Variants in GSKIP observed in about 807,000 individuals in gnomAD.
The protein encoded by GSKIP is GSK3B-interacting protein.
Under a neutral mutation model 11.9 loss-of-function variants are expected in GSKIP, and 5 were observed. That is an observed-to-expected ratio of 0.42 (90% CI 0.22 to 0.89). The LOEUF is 0.89. Among genes scored for constraint, GSKIP ranks in the 40% least tolerant of loss-of-function variants. The probability of loss-of-function intolerance (pLI) is 0.29; values close to 1 mark genes in which losing one functional copy is unlikely to be tolerated. For synonymous variants in GSKIP, 70 were observed against 62.9 expected, an observed-to-expected ratio of 1.11 and a Z score of -0.54; for missense variants, 150 against 166.6, an observed-to-expected ratio of 0.90 and a Z score of 0.55.
intron 1 of GSKIP, among the ~76,000 whole-genome samples, chr14:96,378,705 C>A (rs576252044): frequency 3.3e-5 from 5 of 152,198 alleles, no homozygotes; most frequent in Admixed American, 2.0e-4. Flanking sequence ...CATGATCACC[C>A]GAGCTCCATT....
intron 1 of GSKIP, among the ~76,000 whole-genome samples, chr14:96,373,364 TATCAA>T (rs1486278997): frequency 1.3e-5 from 2 of 151,884 alleles, no homozygotes; most frequent in African/African-American, 4.8e-5. Flanking sequence ...TATTGGATAA[TATCAA>T]ATCATTTTCC....
At chr14:96,383,216 C>T (rs1220165504) in intron 3 of GSKIP, among the ~76,000 whole-genome samples, 1 of 152,074 alleles carries the variant, frequency 6.6e-6, no homozygotes, top group African/African-American at 2.4e-5. Context: ...TCAAGACCAG[C>T]CTGGGCAGCA....
intron 2 of GSKIP, among the ~76,000 whole-genome samples, chr14:96,381,780 A>G (rs1357861979): frequency 3.3e-5 from 5 of 152,196 alleles, no homozygotes; most frequent in African/African-American, 1.2e-4. Context: ...CTCATATTCT[A>G]TTGGTAAAGT....
In GSKIP at chr14:96,376,735, A is replaced by G. The variant is rs973538570; in HGVS notation, c.-102-2953A>G. The stretch of plus-strand genomic sequence containing the variant: ...GCATTAATATTTGTGCAAATATTTC[A>G]TGTGCCTGTTTTCTTTCCCAAAGTA... On this transcript the variant is annotated intron_variant, in intron 1 of 3. Transcript: ENST00000555181. Among the ~76,000 whole-genome samples the G allele has an allele frequency of 2.6e-5, 4 of 152,310 alleles. No homozygotes were observed. In the South Asian group the frequency reaches 6.2e-4, roughly 24 times the overall value.
intron 1 of GSKIP, among the ~76,000 whole-genome samples, chr14:96,373,249 AAAAG>A (rs1365612717): frequency 1.5e-3 from 217 of 145,272 alleles, no homozygotes; most frequent in Middle Eastern, 6.9e-3. Context: ...AAAAAAAAAA[AAAAG>A]AAAGGAGGAT....
rs557839230 is a variant in GSKIP, at chr14:96,374,986, CATT to C, written c.-102-4699_-102-4697del. 5.3e-5 allele frequency among the ~76,000 whole-genome samples: 8 copies of C among 152,114 alleles called. No homozygotes were observed. In the East Asian group the frequency reaches 9.6e-4, roughly 18 times the overall value. ...TGACTCTTTAAAGCAAGAATAATAA[CATT>C]ATGATGAAGTTTATAATTTATGTAG... On this transcript the variant is annotated intron_variant, in intron 1 of 3. Coordinates refer to ENST00000555181, the MANE Select transcript of GSKIP (RefSeq NM_016472.5).
intron 1 of GSKIP, among the ~76,000 whole-genome samples, chr14:96,370,564 C>T (rs552852048): frequency 7.2e-5 from 11 of 151,958 alleles, no homozygotes; most frequent in Non-Finnish European, 1.3e-4. Context: ...TGTCTTTCTC[C>T]CAGGAATGAG....
In GSKIP at chr14:96,382,311, C is replaced by T; in HGVS notation, c.64C>T (p.Leu22=). The T allele has an allele frequency of 6.2e-7, 1 of 1,612,532 alleles. No homozygotes were observed. Among genetic ancestry groups the T allele is most frequent in the Non-Finnish European group, 8.5e-7 (1 of 1,179,180 alleles). The change falls in exon 3 of 4, where the codon CTG becomes TTG. Residue 22 remains leucine (L), a synonymous_variant. Transcript: ENST00000555181. The part of the protein sequence containing the change: ...SMSGFEEGSE[L]NGFEGTDMKD... Reference sequence around the variant, plus strand: ...GTCAGGATTTGAAGAAGGTTCAGAGCTGAACGGTTTTGAAGGAACTGACAT... The same window carrying T: ...GTCAGGATTTGAAGAAGGTTCAGAGTTGAACGGTTTTGAAGGAACTGACAT...
At chr14:96,377,659 G>T (rs569921914) in intron 1 of GSKIP, among the ~76,000 whole-genome samples, 3 of 152,320 alleles carry the variant, frequency 2.0e-5, no homozygotes, top group African/African-American at 7.2e-5. Context: ...TGTGGAAGCT[G>T]CTTCTCAAGT....
chr14:96,382,941 C>T (rs988397441), intron 3 of GSKIP, among the ~76,000 whole-genome samples: 1 of 152,086 alleles, frequency 6.6e-6, no homozygotes. Flanking sequence ...AGAAATAAAT[C>T]AGAGCAGAAC....
intron 1 of GSKIP, among the ~76,000 whole-genome samples, chr14:96,369,065 C>G (rs964907199): frequency 1.3e-5 from 2 of 152,146 alleles, no homozygotes; most frequent in Non-Finnish European, 2.9e-5. Context: ...AAATGAGGAT[C>G]TTATTGGGAA....
At chr14:96,376,345 T>C (rs949603005) in intron 1 of GSKIP, among the ~76,000 whole-genome samples, 9 of 152,168 alleles carry the variant, frequency 5.9e-5, no homozygotes, top group Non-Finnish European at 1.2e-4. Context: ...TTATGCTTTG[T>C]TCCCTACACA....
intron 1 of GSKIP, among the ~76,000 whole-genome samples, chr14:96,369,687 C>G (rs762794365): frequency 5.3e-4 from 81 of 152,158 alleles, no homozygotes; most frequent in South Asian, 1.2e-3. Flanking sequence ...GCAAAAGTGG[C>G]AGAGGCTTGG....
chr14:96,364,274 C>T (rs1888799038), intron 1 of GSKIP: 1 of 152,198 alleles, frequency 6.6e-6, no homozygotes, highest in African/African-American at 2.4e-5. Flanking sequence ...CGTTAGAATC[C>T]CGGCACTGAC....
chr14:96,384,234 A>G (rs757406021), intron 3 of GSKIP, among the ~76,000 whole-genome samples: 1 of 152,166 alleles, frequency 6.6e-6, no homozygotes. Context: ...CAAACCATGC[A>G]TAAGACATGA....
intron 1 of GSKIP, among the ~76,000 whole-genome samples, chr14:96,377,004 A>T (rs1889220402): frequency 6.6e-6 from 1 of 152,232 alleles, no homozygotes; most frequent in Non-Finnish European, 1.5e-5. Flanking sequence ...CTACTCATAT[A>T]TAAAGTTTGA....
intron 1 of GSKIP, among the ~76,000 whole-genome samples, chr14:96,371,990 T>A (rs989474887): frequency 6.6e-6 from 1 of 152,190 alleles, no homozygotes; most frequent in Non-Finnish European, 1.5e-5. Flanking sequence ...CTCACTCGAA[T>A]GTACCTTTTA....
At chr14:96,367,275 C>T (rs1030545034) in intron 1 of GSKIP, among the ~76,000 whole-genome samples, 7 of 152,148 alleles carry the variant, frequency 4.6e-5, no homozygotes, top group African/African-American at 1.7e-4. Context: ...AAGATTAAAA[C>T]ATCTTTTTCC....
intron 1 of GSKIP, among the ~76,000 whole-genome samples, chr14:96,365,866 G>C (rs1468642498): frequency 1.3e-5 from 2 of 151,898 alleles, no homozygotes; most frequent in Non-Finnish European, 2.9e-5. Context: ...CCTTTACTCT[G>C]GGTGAGGTGG....
Sources: gnomAD v4.1 joint callset for allele counts (sites outside exome capture counted in the v4.1 genomes callset) on GRCh38, gnomAD v4.1.1 for gene constraint, MANE v1.5 for transcripts, NCBI Gene and HGNC (gene_info 2026-07-23, HGNC 2026-07-21) for gene names.